Variants in AOAH observed in about 807,000 individuals in gnomAD.
AOAH encodes the protein acyloxyacyl hydrolase.
AOAH carries 64 observed loss-of-function variants against 92.2 expected under a neutral mutation model. The ratio of observed to expected loss-of-function variants is 0.69; its 90% CI spans 0.57 to 0.86. The LOEUF (loss-of-function observed/expected upper bound fraction) is 0.86. Among genes scored for constraint, AOAH ranks in the 40% least tolerant of loss-of-function variants. AOAH has a pLI of 0.00. For missense variants in AOAH, 656 were observed against 694.6 expected, an observed-to-expected ratio of 0.94 and a Z score of 0.62; for synonymous variants, 263 against 254.5, an observed-to-expected ratio of 1.03 and a Z score of -0.32.
At chr7:36,626,166 C>T (rs1583976450) in intron 6 of AOAH, among the ~76,000 whole-genome samples, 1 of 151,942 alleles carries the variant, frequency 6.6e-6, no homozygotes, top group Admixed American at 6.6e-5. Flanking sequence ...GAGACAAAGA[C>T]AGACAGATCA....
rs1788696086 is a variant in AOAH, at chr7:36,578,543, T to C, written c.939-1887A>G. Among the ~76,000 whole-genome samples the C allele has an allele frequency of 1.3e-5, 2 of 152,316 alleles. 1 individual carries two copies. Among genetic ancestry groups the C allele is most frequent in the South Asian group, 4.1e-4 (2 of 4,828 alleles). On this transcript the variant is annotated intron_variant, in intron 12 of 20. Coordinates refer to ENST00000617537, the MANE Select transcript of AOAH (RefSeq NM_001637.4). ...CACACCTCCCTCCACTCTCCATTTT[T>C]CCATTTCCATAGGCAACTAATTCCA...
chr7:36,538,206 T>C (rs1220730293), intron 16 of AOAH, among the ~76,000 whole-genome samples: 1 of 151,906 alleles, frequency 6.6e-6, no homozygotes, highest in African/African-American at 2.4e-5. Context: ...TTTTGTATTT[T>C]TAGAAGAGAC....
chr7:36,620,015 G>A (rs1433056762), intron 9 of AOAH, among the ~76,000 whole-genome samples: 1 of 152,154 alleles, frequency 6.6e-6, no homozygotes, highest in Non-Finnish European at 1.5e-5. Flanking sequence ...GTGGAGAGGG[G>A]AGGCCAGAAC....
chr7:36,692,933 G>T (rs1235512321), intron 1 of AOAH, among the ~76,000 whole-genome samples: 2 of 152,008 alleles, frequency 1.3e-5, no homozygotes, highest in Non-Finnish European at 2.9e-5. Flanking sequence ...TAAGGGATAG[G>T]AGGAACTCAT....
rs3735385 is a variant in AOAH at position 36,618,334 on chromosome 7, T to A, written c.714A>T (p.Pro238=). 0.016 allele frequency: 25,199 copies of A among 1,613,436 alleles called. 1,206 individuals carry two copies. Among genetic ancestry groups the A allele is most frequent in the East Asian group, 0.15 (6,632 of 44,826 alleles). Residue 238 remains proline (P), a synonymous_variant, in exon 10 of 21, where the codon CCA becomes CCT. Transcript: ENST00000617537. The part of the protein sequence containing the change: ...SNCNGIWGVD[P]KDGVPYEKKF... ...TCTTCTCATATGGAACTCCATCTTTTGGATCGACACCCTTTAAAAAAGAAA... is the reference window on the plus strand; with the variant it reads ...TCTTCTCATATGGAACTCCATCTTTAGGATCGACACCCTTTAAAAAAGAAA...
chr7:36,680,719 A>G (rs914380277), intron 2 of AOAH, among the ~76,000 whole-genome samples: 1 of 152,206 alleles, frequency 6.6e-6, no homozygotes, highest in Non-Finnish European at 1.5e-5. Flanking sequence ...TGAGTGTTCT[A>G]TTTTCAGCTG....
chr7:36,721,528 G>A (rs1417115778), intron 1 of AOAH, among the ~76,000 whole-genome samples: 1 of 152,176 alleles, frequency 6.6e-6, no homozygotes, highest in Non-Finnish European at 1.5e-5. Flanking sequence ...TGCTCAGTAA[G>A]TGTTCATCAC....
chr7:36,628,336 G>A (rs930018899), intron 6 of AOAH, among the ~76,000 whole-genome samples: 1 of 152,218 alleles, frequency 6.6e-6, no homozygotes, highest in Non-Finnish European at 1.5e-5. Context: ...AATACAGACA[G>A]TGTGTAGGCA....
intron 4 of AOAH, among the ~76,000 whole-genome samples, chr7:36,642,464 CCTA>C (rs1793977736): frequency 6.6e-6 from 1 of 152,122 alleles, no homozygotes; most frequent in Non-Finnish European, 1.5e-5. Context: ...AGAAGCTAAC[CCTA>C]CTGATTTCTT....
chr7:36,679,859 C>T (rs1018773075), intron 2 of AOAH, among the ~76,000 whole-genome samples: 102 of 152,102 alleles, frequency 6.7e-4, no homozygotes, highest in South Asian at 8.3e-4. Flanking sequence ...GGTTTCACCA[C>T]GTTGGCCAGG....
chr7:36,713,607 A>G (rs1178796985), intron 1 of AOAH, among the ~76,000 whole-genome samples: 3 of 152,242 alleles, frequency 2.0e-5, no homozygotes, highest in Non-Finnish European at 4.4e-5. Flanking sequence ...ATGGAAAAGA[A>G]CAGAAATTAT....
At chr7:36,657,572 GA>G (rs1475900429) in intron 4 of AOAH, among the ~76,000 whole-genome samples, 1 of 152,224 alleles carries the variant, frequency 6.6e-6, no homozygotes, top group Non-Finnish European at 1.5e-5. Flanking sequence ...AGAGGCTGGA[GA>G]GGGGGACCCG....
At chr7:36,633,015 G>A (rs1432515073) in intron 5 of AOAH, among the ~76,000 whole-genome samples, 1 of 152,234 alleles carries the variant, frequency 6.6e-6, no homozygotes, top group Non-Finnish European at 1.5e-5. Context: ...GTGGAGTGGA[G>A]GGCAAGGGTG....
chr7:36,575,189 T>C (rs1788398979), intron 13 of AOAH, among the ~76,000 whole-genome samples: 1 of 152,222 alleles, frequency 6.6e-6, no homozygotes, highest in South Asian at 2.1e-4. Flanking sequence ...CCATTAACTA[T>C]TGATAGTGTT....
rs545376036 is a variant in AOAH, at chr7:36,552,942, A to G, written c.1022-3467T>C. On this transcript the variant is annotated intron_variant, in intron 13 of 20. Transcript: ENST00000617537. Reference sequence around the variant, plus strand: ...GGCTGCATAGAATTCCATGGTGTATATGCACCACATTTTCTTTTTTTTTTT... The same window carrying G: ...GGCTGCATAGAATTCCATGGTGTATGTGCACCACATTTTCTTTTTTTTTTT... 2.0e-5 allele frequency among the ~76,000 whole-genome samples: 3 copies of G among 151,708 alleles called. No individual in the cohort carries two copies. In the East Asian group the frequency reaches 5.8e-4, roughly 29 times the overall value.
intron 11 of AOAH, among the ~76,000 whole-genome samples, chr7:36,609,451 AC>A (rs1430368482): frequency 6.6e-6 from 1 of 151,856 alleles, no homozygotes; most frequent in African/African-American, 2.4e-5. Flanking sequence ...CCTCCCATGC[AC>A]CTCTCTAGGC....
At position 36,536,949 on chromosome 7, in the gene AOAH, CAAAAAAAAAAA is replaced by C. The variant is rs11441171; in HGVS notation, c.1306+3359_1306+3369del. On this transcript the variant is annotated intron_variant, in intron 16 of 20. Coordinates refer to ENST00000617537, the MANE Select transcript of AOAH (RefSeq NM_001637.4). Reference sequence around the variant, plus strand: ...TGGGTGACATAGTGAGACTTCATCTCAAAAAAAAAAAAAAAAAAAAAAAAAAAGAATCACAC... The same window carrying C: ...TGGGTGACATAGTGAGACTTCATCTCAAAAAAAAAAAAAAAAGAATCACAC... Among the ~76,000 whole-genome samples the C allele has an allele frequency of 8.3e-3, 394 of 47,482 alleles. 2 individuals carry two copies. The highest frequency in any genetic ancestry group is 0.036 in the African/African-American group (364 of 10,228). 31.2% of individuals were successfully genotyped at this position (47,482 alleles called of 152,430 possible). A position where few individuals can be genotyped will look rare whatever the true frequency, so the allele number is the denominator to read the frequency against.
Position 36,513,237 on chromosome 7 carries a change from A to G in AOAH, c.*15T>C, listed in dbSNP as rs752346284. On this transcript the variant is annotated 3_prime_UTR_variant, in exon 21 of 21. Coordinates refer to ENST00000617537, the MANE Select transcript of AOAH (RefSeq NM_001637.4). ...GCCTCCCTGTGCTCCCCAGGGGTGC[A>G]TGCTCCTGAGAGGCTCAGTGCCCGC... The G allele has an allele frequency of 1.7e-5, 28 of 1,614,050 alleles. No individual in the cohort carries two copies. The highest frequency in any genetic ancestry group is 4.2e-6 in the Non-Finnish European group (5 of 1,180,032).
At chr7:36,621,801 C>G (rs370234399) in intron 7 of AOAH, 21 bp from the exon 8 acceptor site, 342 of 1,612,850 alleles carry the variant, frequency 2.1e-4, no homozygotes, top group Non-Finnish European at 2.5e-4. Context: ...AGAGCACACA[C>G]AGGAGGGGTT....
Sources: allele counts gnomAD v4.1 joint callset (sites outside exome capture counted in the v4.1 genomes callset), GRCh38; gene constraint gnomAD v4.1.1; transcripts MANE v1.5; gene names NCBI Gene and HGNC (gene_info 2026-07-23, HGNC 2026-07-21).